Variants in TSPAN18 observed in about 807,000 individuals in gnomAD.
The protein encoded by TSPAN18 is tetraspanin-18.
TSPAN18 carries 14 observed loss-of-function variants against 27.3 expected under a neutral mutation model. The observed-to-expected ratio is 0.51, with a 90% CI of 0.34 to 0.80. TSPAN18 has a LOEUF of 0.80. Among genes scored for constraint, TSPAN18 ranks in the 30% least tolerant of loss-of-function variants. The pLI, the probability that TSPAN18 is intolerant of heterozygous loss-of-function variation, is 0.01. For missense variants in TSPAN18, 268 were observed against 323.9 expected (o/e 0.83, Z 1.32); for synonymous variants, 143 against 136.5 (o/e 1.05, Z -0.33).
intron 2 of TSPAN18, among the ~76,000 whole-genome samples, chr11:44,795,834 G>A (rs76639253): frequency 0.01 from 1,577 of 152,110 alleles, 11 homozygotes; most frequent in African/African-American, 0.023. Flanking sequence ...GCCCACTGCC[G>A]GCTGGCACCA....
rs1324482777 is a variant in TSPAN18 at position 44,916,730 on chromosome 11, GGGCA to G, written c.259-1226_259-1223del. Among the ~76,000 whole-genome samples, 26 of 152,204 alleles carry G rather than the reference GGGCA, an allele frequency of 1.7e-4. No homozygotes were observed. In the East Asian group the frequency reaches 1.7e-3, roughly 10 times the overall value. On this transcript the variant is annotated intron_variant, in intron 5 of 9. Transcript: ENST00000520358. ...GCCTCCTTCCAGCCTGGCACATCGG[GGGCA>G]GGCAGGCAGGCAGGCGGTCCTAACG...
chr11:44,791,240 G>A (rs1016930545), intron 2 of TSPAN18, among the ~76,000 whole-genome samples: 9 of 152,218 alleles, frequency 5.9e-5, no homozygotes, highest in Admixed American at 5.2e-4. Flanking sequence ...TGCCCTGGAC[G>A]TAGTGCTAGC....
At chr11:44,884,405 G>T (rs556017811) in intron 3 of TSPAN18, among the ~76,000 whole-genome samples, 22 of 152,332 alleles carry the variant, frequency 1.4e-4, no homozygotes, top group African/African-American at 5.3e-4. Context: ...TGGTACAGGG[G>T]TGGGGGTAGA....
intron 2 of TSPAN18, among the ~76,000 whole-genome samples, chr11:44,771,735 T>C (rs2134917584): frequency 1.3e-5 from 2 of 152,326 alleles, no homozygotes; most frequent in South Asian, 4.1e-4. Context: ...GTATTAGCTA[T>C]CATGAGTAAA....
intron 3 of TSPAN18, among the ~76,000 whole-genome samples, chr11:44,897,155 G>C (rs1475196042): frequency 6.6e-6 from 1 of 152,178 alleles, no homozygotes; most frequent in Non-Finnish European, 1.5e-5. Flanking sequence ...TTCCCCGCAG[G>C]AGTGATAGAA....
At chr11:44,919,502 C>T (rs1411829379) in intron 7 of TSPAN18, among the ~76,000 whole-genome samples, 190 bp downstream of exon 7, 2 of 152,232 alleles carry the variant, frequency 1.3e-5, no homozygotes, top group African/African-American at 2.4e-5. Context: ...GGGATGAAAC[C>T]TGTTTGCTCT....
At chr11:44,927,902 C>T (rs931512268) in intron 9 of TSPAN18, among the ~76,000 whole-genome samples, 18 of 152,340 alleles carry the variant, frequency 1.2e-4, no homozygotes, top group African/African-American at 4.3e-4. Context: ...CAGCATGCTA[C>T]TGGGGCTCAG....
At chr11:44,789,545 C>G (rs748173698) in intron 2 of TSPAN18, among the ~76,000 whole-genome samples, 8 of 152,150 alleles carry the variant, frequency 5.3e-5, no homozygotes, top group Non-Finnish European at 1.2e-4. Flanking sequence ...GTGAGGCTGG[C>G]TTTGGCAAGT....
chr11:44,798,276 T>G (rs1179361909), intron 2 of TSPAN18, among the ~76,000 whole-genome samples: 1 of 152,184 alleles, frequency 6.6e-6, no homozygotes, highest in Non-Finnish European at 1.5e-5. Flanking sequence ...TCCCGAGCAA[T>G]GTGGTGAGCA....
At chr11:44,834,839 T>C (rs887760247) in intron 2 of TSPAN18, among the ~76,000 whole-genome samples, 4 of 151,986 alleles carry the variant, frequency 2.6e-5, no homozygotes, top group African/African-American at 9.7e-5. Flanking sequence ...ACAGAAGATA[T>C]ATTAAGGATG....
intron 2 of TSPAN18, among the ~76,000 whole-genome samples, chr11:44,784,085 A>G (rs1856001796): frequency 6.6e-6 from 1 of 152,082 alleles, no homozygotes. Context: ...TGGGGGTAAA[A>G]ATGCAAGTCA....
intron 8 of TSPAN18, among the ~76,000 whole-genome samples, chr11:44,925,136 A>T (rs1050149328): frequency 1.3e-5 from 2 of 152,234 alleles, no homozygotes; most frequent in Admixed American, 6.5e-5. Flanking sequence ...TGAAGGTTCA[A>T]TTAAGACCTT....
intron 2 of TSPAN18, among the ~76,000 whole-genome samples, chr11:44,839,410 C>T (rs1352322555): frequency 6.6e-6 from 1 of 152,196 alleles, no homozygotes; most frequent in African/African-American, 2.4e-5. Context: ...CCCTAATGAG[C>T]TTCTCCCTCG....
chr11:44,827,089 T>A (rs1205190970), intron 2 of TSPAN18, among the ~76,000 whole-genome samples: 1 of 152,218 alleles, frequency 6.6e-6, no homozygotes, highest in Non-Finnish European at 1.5e-5. Context: ...GGCTGGAGTC[T>A]TGGGTGGATC....
At chr11:44,887,718 G>C (rs1300566907) in intron 3 of TSPAN18, among the ~76,000 whole-genome samples, 1 of 151,990 alleles carries the variant, frequency 6.6e-6, no homozygotes, top group African/African-American at 2.4e-5. Flanking sequence ...GCTTTATCCT[G>C]TCTGACACTA....
rs191172132 is a variant in TSPAN18, at chr11:44,736,844, C to A, written c.-240+9557C>A. Among the ~76,000 whole-genome samples the A allele has an allele frequency of 1.6e-3, 251 of 152,310 alleles. 2 individuals are homozygous for A. The highest frequency in any genetic ancestry group is 5.8e-3 in the African/African-American group (239 of 41,554). ...TAAATTCTCTCTGACTCCATTTTAA[C>A]TCACAGGGTTTGATTAAAATGCATA... On this transcript the variant is annotated intron_variant, in intron 1 of 9. Coordinates refer to ENST00000520358, the MANE Select transcript of TSPAN18 (RefSeq NM_130783.5).
At chr11:44,926,872 C>A (rs1400503267) in intron 9 of TSPAN18, 115 bp downstream of exon 9, 3 of 1,176,000 alleles carry the variant, frequency 2.6e-6, no homozygotes, top group Non-Finnish European at 2.5e-6. Context: ...CCCAAGGGGC[C>A]CCCACTGTGG....
intron 2 of TSPAN18, among the ~76,000 whole-genome samples, chr11:44,833,447 C>G (rs1392276858): frequency 6.6e-6 from 1 of 152,142 alleles, no homozygotes; most frequent in African/African-American, 2.4e-5. Context: ...TCCACCTCCT[C>G]CAGGAAGCCC....
chr11:44,799,279 G>A (rs1421238964), intron 2 of TSPAN18, among the ~76,000 whole-genome samples: 3 of 151,734 alleles, frequency 2.0e-5, no homozygotes, highest in African/African-American at 7.3e-5. Flanking sequence ...ATGGGGAGAG[G>A]GTTTTTGTCT....
Sources: gnomAD v4.1 joint callset for allele counts (sites outside exome capture counted in the v4.1 genomes callset) on GRCh38, gnomAD v4.1.1 for gene constraint, MANE v1.5 for transcripts, NCBI Gene and HGNC (gene_info 2026-07-23, HGNC 2026-07-21) for gene names.